DRG2: variants seen among roughly 807,000 people sequenced by gnomAD.
DRG2 encodes the protein developmentally regulated GTP binding protein 2.
In DRG2, 36 loss-of-function variants were observed where a neutral mutation model predicts 53.4. The observed-to-expected ratio is 0.67, with a 90% CI of 0.52 to 0.89. DRG2 has a LOEUF of 0.89. DRG2 is among the 40% of genes least tolerant of loss of function. The pLI is 0.00. For synonymous variants in DRG2, 167 were observed against 192.1 expected, an observed-to-expected ratio of 0.87 and a Z score of 1.08; for missense variants, 342 against 481.2, an observed-to-expected ratio of 0.71 and a Z score of 2.71.
intron 11 of DRG2, chr17:18,106,227 A>C (rs763841178): frequency 8.3e-6 from 5 of 599,164 alleles, no homozygotes; most frequent in East Asian, 5.6e-5. Flanking sequence ...CAGGAGTGGG[A>C]ATGGCAGGGC....
chr17:18,106,565 A>G (rs1253461639), intron 12 of DRG2, 79 bp downstream of exon 12: 1 of 1,501,786 alleles, frequency 6.7e-7, no homozygotes, highest in Non-Finnish European at 9.2e-7. Context: ...AGGCATTCAC[A>G]CTCTCTGCGT....
At chr17:18,106,398 C>G (rs772860772) in intron 11 of DRG2, 35 bp from the exon 12 acceptor site, 1 of 1,611,496 alleles carries the variant, frequency 6.2e-7, no homozygotes, top group Non-Finnish European at 8.5e-7. Flanking sequence ...TAGGTGAAGC[C>G]TCACCTCTCT....
In DRG2 at chr17:18,099,646, C is replaced by T; in HGVS notation, c.390C>T (p.Gly130=). The T allele has an allele frequency of 6.2e-7, 1 of 1,605,478 alleles. No homozygotes were observed. Among genetic ancestry groups the T allele is most frequent in the Non-Finnish European group, 8.5e-7 (1 of 1,176,844 alleles). ...IEGAAQGKGR[G]RQVIAVARTA... ...ACACCCATCCAGGAAAAGGCCGTGG[C>T]CGGCAGGTGATCGCTGTGGCGCGCA... Residue 130 remains glycine, a synonymous_variant, in exon 5 of 13, where the codon GGC becomes GGT. Coordinates refer to ENST00000225729, the MANE Select transcript of DRG2 (RefSeq NM_001388.5). The surrounding 1 kb of genome is among the most constrained non-coding windows in gnomAD (Gnocchi z 4.4).
intron 1 of DRG2, among the ~76,000 whole-genome samples, chr17:18,090,406 A>ATTTTTTTTTTT (rs1186716416): frequency 8.8e-5 from 2 of 22,704 alleles, no homozygotes; most frequent in Non-Finnish European, 7.3e-5. Context: ...ATATATATAT[A>ATTTTTTTTTTT]TTTTTTTTTT....
chr17:18,090,406 A>ATATT (rs1555532983), intron 1 of DRG2, among the ~76,000 whole-genome samples: 6 of 22,688 alleles, frequency 2.6e-4, no homozygotes, highest in African/African-American at 6.7e-4. Context: ...ATATATATAT[A>ATATT]TTTTTTTTTT....
At chr17:18,088,687 A>G (rs2045260289) in intron 1 of DRG2, among the ~76,000 whole-genome samples, 1 of 152,226 alleles carries the variant, frequency 6.6e-6, no homozygotes, top group African/African-American at 2.4e-5. Flanking sequence ...GATGGCCTTT[A>G]CAAAGCACTG....
At chr17:18,090,014 A>T (rs1375802201) in intron 1 of DRG2, among the ~76,000 whole-genome samples, 2 of 151,914 alleles carry the variant, frequency 1.3e-5, no homozygotes, top group Non-Finnish European at 2.9e-5. Context: ...ATTCCATATT[A>T]CCCATAAGAC....
At position 18,100,556 on chromosome 17, in the gene DRG2, TCTC is replaced by T. The variant is rs752754710; in HGVS notation, c.541-9_541-7del. 2 of 1,614,190 alleles carry T rather than the reference TCTC, an allele frequency of 1.2e-6. No homozygotes were observed. The highest frequency in any genetic ancestry group is 1.7e-6 in the Non-Finnish European group (2 of 1,180,016). On this transcript the variant is annotated splice_polypyrimidine_tract_variant and intron_variant, in intron 6 of 12. Transcript: ENST00000225729. This position sits in a 1 kb window ranked among gnomAD's most constrained non-coding sequence, Gnocchi z 4.1. ...CGGTCAGCAGTTCTCCCCATCCCTTTCTCCTCTTTCAGCCCAAGAAAGGTGGTG... is the reference window on the plus strand; with the variant it reads ...CGGTCAGCAGTTCTCCCCATCCCTTTCTCTTTCAGCCCAAGAAAGGTGGTG...
chr17:18,090,392 ATATATATATATATATTTTTTT>A (rs1201798895), intron 1 of DRG2, among the ~76,000 whole-genome samples: 15 of 11,710 alleles, frequency 1.3e-3, no homozygotes, highest in African/African-American at 6.8e-3. Flanking sequence ...ATATATATAT[ATATATATATATATATTTTTTT>A]TTTTTTTTTT....
At chr17:18,093,214 G>A (rs1266827905) in intron 1 of DRG2, among the ~76,000 whole-genome samples, 5 of 152,132 alleles carry the variant, frequency 3.3e-5, no homozygotes, top group Admixed American at 6.6e-5. Context: ...AAAGTGAACA[G>A]AAAACATCTC....
chr17:18,095,549 C>G (rs1037508052), intron 2 of DRG2: 1 of 151,866 alleles, frequency 6.6e-6, no homozygotes, highest in African/African-American at 2.4e-5. Context: ...CATGCACCAC[C>G]CCGCCCGGCT....
chr17:18,090,392 ATATATATATATATATTTTTTTTT>A (rs1256864521), intron 1 of DRG2, among the ~76,000 whole-genome samples: 180 of 11,714 alleles, frequency 0.015, 4 homozygotes, highest in African/African-American at 0.081. Flanking sequence ...ATATATATAT[ATATATATATATATATTTTTTTTT>A]TTTTTTTTTT....
chr17:18,088,838 CAA>C lies in DRG2; in HGVS notation c.64+753_64+754del, dbSNP rs1485303162. On this transcript the variant is annotated intron_variant, in intron 1 of 12. Transcript: ENST00000225729. ...TGAGGAGAGAACGATGACACCAGGA[CAA>C]AGTGGGACTTGAGCTGGTTGTTGGA... 3.3e-5 allele frequency among the ~76,000 whole-genome samples: 5 copies of C among 152,304 alleles called. No individual in the cohort carries two copies. In the East Asian group the frequency reaches 9.6e-4, roughly 29 times the overall value.
intron 12 of DRG2, 33 bp downstream of exon 12, chr17:18,106,519 T>C: frequency 6.2e-7 from 1 of 1,612,834 alleles, no homozygotes; most frequent in Non-Finnish European, 8.5e-7. Context: ...ACCAGGGGGG[T>C]AGACCCAGGA....
In DRG2 at chr17:18,101,480, C is replaced by T. The variant is rs371790415; in HGVS notation, c.632-13C>T. On this transcript the variant is annotated splice_polypyrimidine_tract_variant and intron_variant, in intron 7 of 12. Transcript: ENST00000225729. ...AGCTGGTGCACAGGTTGCCCTTAATCGGAGCCCCTCAGAGATCTTCAATGC... is the reference window on the plus strand; with the variant it reads ...AGCTGGTGCACAGGTTGCCCTTAATTGGAGCCCCTCAGAGATCTTCAATGC... The T allele has an allele frequency of 1.2e-5, 19 of 1,613,142 alleles. No individual in the cohort carries two copies. Among genetic ancestry groups the T allele is most frequent in the East Asian group, 4.5e-5 (2 of 44,894 alleles).
chr17:18,098,202 GC>G lies in DRG2; in HGVS notation c.226-64del. 5.0e-6 allele frequency: 7 copies of G among 1,390,152 alleles called. No homozygotes were observed. The highest frequency in any genetic ancestry group is 1.8e-4 in the Middle Eastern group (1 of 5,474). 86.1% of individuals were successfully genotyped at this position (1,390,152 alleles called of 1,614,324 possible). On this transcript the variant is annotated intron_variant, in intron 2 of 12. Coordinates refer to ENST00000225729, the MANE Select transcript of DRG2 (RefSeq NM_001388.5). The surrounding 1 kb of genome is among the most constrained non-coding windows in gnomAD (Gnocchi z 4.1). ...TGCTGCCTGCACCTGCAGGCCCCCA[GC>G]CCCTGGGGCCTCTCCCAGAAGGCCA... is the stretch of plus-strand genomic sequence containing the variant.
chr17:18,093,588 G>A (rs944223479), intron 1 of DRG2, among the ~76,000 whole-genome samples: 1 of 152,198 alleles, frequency 6.6e-6, no homozygotes, highest in Non-Finnish European at 1.5e-5. Flanking sequence ...AAAGTGCTGG[G>A]ATTACAGGCG....
chr17:18,090,536 T>A (rs1249174189), intron 1 of DRG2, among the ~76,000 whole-genome samples: 3 of 146,520 alleles, frequency 2.0e-5, no homozygotes, highest in Non-Finnish European at 3.0e-5. Context: ...CCTGCCTCAG[T>A]CTCCCAGGTG....
At position 18,104,660 on chromosome 17, in the gene DRG2, A is replaced by G. The variant is rs757064250; in HGVS notation, c.933A>G (p.Lys311=). Reference sequence around the variant, plus strand: ...TCACAGACGCCATCATTCTCCGGAAAGGGGCCTCAGTGGAGCACGTGGTGA... The same window carrying G: ...TCACAGACGCCATCATTCTCCGGAAGGGGGCCTCAGTGGAGCACGTGGTGA... The part of the protein sequence containing the change: ...PDFTDAIILR[K]GASVEHVCHR... Residue 311 remains lysine (K), a synonymous_variant, in exon 11 of 13, where the codon AAA becomes AAG. Coordinates refer to ENST00000225729, the MANE Select transcript of DRG2 (RefSeq NM_001388.5). The G allele has an allele frequency of 6.2e-7, 1 of 1,613,828 alleles. No homozygotes were observed. The highest frequency in any genetic ancestry group is 1.1e-5 in the South Asian group (1 of 91,084).
Sources: gnomAD v4.1 joint callset for allele counts (sites outside exome capture counted in the v4.1 genomes callset) on GRCh38, gnomAD v4.1.1 for gene constraint, Gnocchi (gnomAD v3.1) non-coding constraint, MANE v1.5 for transcripts, NCBI Gene and HGNC (gene_info 2026-07-23, HGNC 2026-07-21) for gene names.